PLEKHA7: variants seen among roughly 807,000 people sequenced by gnomAD.
The protein encoded by PLEKHA7 is pleckstrin homology domain-containing family A member 7.
PLEKHA7 carries 104 observed loss-of-function variants against 170.0 expected under a neutral mutation model. That is an observed-to-expected ratio of 0.61 (90% CI 0.52 to 0.72). The LOEUF is 0.72. Among genes scored for constraint, PLEKHA7 ranks in the 30% least tolerant of loss-of-function variants. PLEKHA7 has a pLI of 0.00. For missense variants in PLEKHA7, 1,615 were observed against 1,671.7 expected (o/e 0.97, Z 0.59); for synonymous variants, 648 against 660.8 (o/e 0.98, Z 0.30).
intron 10 of PLEKHA7, among the ~76,000 whole-genome samples, chr11:16,820,240 AT>A (rs1564958867): frequency 1.3e-5 from 2 of 152,170 alleles, no homozygotes; most frequent in African/African-American, 4.8e-5. Flanking sequence ...AACTCAACTC[AT>A]TTAATCACTT....
At chr11:16,982,878 C>T (rs1194114208) in intron 3 of PLEKHA7, among the ~76,000 whole-genome samples, 1 of 151,708 alleles carries the variant, frequency 6.6e-6, no homozygotes, top group African/African-American at 2.4e-5. Context: ...AGATACTGAA[C>T]TATCTAGGAT....
intron 9 of PLEKHA7, among the ~76,000 whole-genome samples, chr11:16,835,775 C>T (rs1851464567): frequency 1.3e-5 from 2 of 152,142 alleles, no homozygotes; most frequent in African/African-American, 2.4e-5. Flanking sequence ...AGAGACTAAG[C>T]ACTGGGAGGA....
chr11:16,887,731 T>C (rs191730641), intron 3 of PLEKHA7, among the ~76,000 whole-genome samples: 2 of 152,320 alleles, frequency 1.3e-5, no homozygotes, highest in African/African-American at 4.8e-5. Context: ...AGTGGCATGA[T>C]CTTGGCTGGC....
intron 3 of PLEKHA7, among the ~76,000 whole-genome samples, chr11:16,951,100 T>A (rs1051941502): frequency 1.3e-5 from 2 of 152,252 alleles, no homozygotes; most frequent in Non-Finnish European, 2.9e-5. Context: ...CTGTATTATC[T>A]CATTTAATCC....
chr11:16,963,468 T>C (rs1407729905), intron 3 of PLEKHA7, among the ~76,000 whole-genome samples: 1 of 152,018 alleles, frequency 6.6e-6, no homozygotes, highest in Non-Finnish European at 1.5e-5. Flanking sequence ...AGACAGAAAC[T>C]ATTACCTGTT....
intron 3 of PLEKHA7, among the ~76,000 whole-genome samples, chr11:16,935,657 C>T (rs542169741): frequency 1.1e-3 from 167 of 152,280 alleles, no homozygotes; most frequent in Non-Finnish European, 1.7e-3. Flanking sequence ...AACTGAAAGC[C>T]TTGTGACATT....
intron 3 of PLEKHA7, among the ~76,000 whole-genome samples, chr11:16,892,109 G>A (rs1856657452): frequency 6.6e-6 from 1 of 152,162 alleles, no homozygotes; most frequent in Non-Finnish European, 1.5e-5. Flanking sequence ...TGGCAAGGAT[G>A]TTGGTAATGG....
At chr11:16,959,833 C>T (rs766611652) in intron 3 of PLEKHA7, among the ~76,000 whole-genome samples, 7 of 152,168 alleles carry the variant, frequency 4.6e-5, no homozygotes, top group South Asian at 2.1e-4. Context: ...GAGGGGGTTG[C>T]GGGCTCCCCT....
chr11:17,010,231 T>C (rs1865245433), intron 3 of PLEKHA7, among the ~76,000 whole-genome samples: 1 of 151,746 alleles, frequency 6.6e-6, no homozygotes, highest in Non-Finnish European at 1.5e-5. Flanking sequence ...CTACTAAAAA[T>C]GCAAAAATTA....
chr11:16,858,338 A>T lies in PLEKHA7; in HGVS notation c.306-2424T>A, dbSNP rs78976412. 4.6e-3 allele frequency among the ~76,000 whole-genome samples: 704 copies of T among 152,342 alleles called. 39 individuals are homozygous for T. The East Asian group carries it at 0.12, about 25-fold the overall frequency. On this transcript the variant is annotated intron_variant, in intron 4 of 26. Transcript: ENST00000531066. ...CTCCGTTAGTTTAAGCCAGTTCAAC[A>T]TCATTTCAAATAACTGCATCACGTT...
At chr11:16,983,536 G>A (rs1400787753) in intron 3 of PLEKHA7, among the ~76,000 whole-genome samples, 8 of 152,170 alleles carry the variant, frequency 5.3e-5, no homozygotes, top group Non-Finnish European at 1.2e-4. Flanking sequence ...GATAGGAAAA[G>A]CAGAATTCAT....
chr11:16,785,366 T>A (rs1369031627), intron 24 of PLEKHA7, among the ~76,000 whole-genome samples: 2 of 152,242 alleles, frequency 1.3e-5, no homozygotes, highest in African/African-American at 4.8e-5. Flanking sequence ...CAAGTCCTTG[T>A]ACAAATGCTT....
intron 3 of PLEKHA7, among the ~76,000 whole-genome samples, chr11:16,907,159 G>A (rs1443672147): frequency 1.1e-5 from 1 of 90,402 alleles, no homozygotes; most frequent in Non-Finnish European, 2.3e-5. Flanking sequence ...CGGAAGGGAG[G>A]TGGGGGGGTT....
At chr11:16,983,924 T>C (rs1299872625) in intron 3 of PLEKHA7, among the ~76,000 whole-genome samples, 1 of 151,878 alleles carries the variant, frequency 6.6e-6, no homozygotes, top group Non-Finnish European at 1.5e-5. Flanking sequence ...CAAAAAAAAA[T>C]TAACAATTAG....
chr11:16,833,967 T>C (rs1383645547), intron 9 of PLEKHA7, among the ~76,000 whole-genome samples: 1 of 150,746 alleles, frequency 6.6e-6, no homozygotes, highest in Admixed American at 6.6e-5. Context: ...GTGGATCACC[T>C]GAGCTCAGGA....
Position 16,777,774 on chromosome 11 carries a change from C to T in PLEKHA7, c.*1224G>A, listed in dbSNP as rs1401546995. On this transcript the variant is annotated 3_prime_UTR_variant, in exon 27 of 27. Coordinates refer to ENST00000531066, the MANE Select transcript of PLEKHA7 (RefSeq NM_001329630.2). ...CAGGCCATGAGGGATGGTGGGGGCA[C>T]ACTGCTGCCCTCCTGCCACCAGACC... 1 of 152,198 alleles carries T rather than the reference C, an allele frequency of 6.6e-6. No homozygotes were observed. The highest frequency in any genetic ancestry group is 1.9e-4 in the East Asian group (1 of 5,186). 9.4% of individuals were successfully genotyped at this position (152,198 alleles called of 1,614,324 possible). A position where few individuals can be genotyped will look rare whatever the true frequency, so the allele number is the denominator to read the frequency against.
At chr11:16,779,793 T>C (rs1848888336) in intron 26 of PLEKHA7, among the ~76,000 whole-genome samples, 1 of 152,118 alleles carries the variant, frequency 6.6e-6, no homozygotes, top group Non-Finnish European at 1.5e-5. Context: ...TCTCCCTCCT[T>C]TCACTTCTTT....
At chr11:16,833,253 G>A (rs996979812) in intron 9 of PLEKHA7, among the ~76,000 whole-genome samples, 2 of 152,116 alleles carry the variant, frequency 1.3e-5, no homozygotes, top group Admixed American at 6.5e-5. Context: ...AGAGAAGAGC[G>A]AGGCTGCAGA....
At chr11:17,001,760 A>G (rs1435483307) in intron 3 of PLEKHA7, among the ~76,000 whole-genome samples, 1 of 149,534 alleles carries the variant, frequency 6.7e-6, no homozygotes, top group Non-Finnish European at 1.5e-5. Flanking sequence ...CCAAGCTACA[A>G]GAGGTAGCCA....
Sources: gnomAD v4.1 joint callset for allele counts (sites outside exome capture counted in the v4.1 genomes callset) on GRCh38, gnomAD v4.1.1 for gene constraint, MANE v1.5 for transcripts, NCBI Gene and HGNC (gene_info 2026-07-23, HGNC 2026-07-21) for gene names.